The following GTF3C3 variants were observed in gnomAD, a reference collection of about 807,000 sequenced individuals.
GTF3C3 encodes the protein general transcription factor IIIC subunit 3.
In GTF3C3, 75 loss-of-function variants were observed where a neutral mutation model predicts 105.2. The ratio of observed to expected loss-of-function variants is 0.71; its 90% CI spans 0.59 to 0.86. The LOEUF (loss-of-function observed/expected upper bound fraction) is 0.86, where lower values mean the gene tolerates loss of function less well. GTF3C3 is among the 40% of genes least tolerant of loss of function. The pLI is 0.00. For synonymous variants in GTF3C3, 335 were observed against 370.4 expected (o/e 0.90, Z 1.10); for missense variants, 856 against 1,076.5 (o/e 0.80, Z 2.87).
In GTF3C3 at chr2:196,797,908, T is replaced by G; in HGVS notation, c.103A>C (p.Ser35Arg). The change falls in exon 2 of 18, where the codon AGT becomes CGT. Residue 35 changes from serine to arginine, a missense_variant and splice_region_variant. Ser to Arg is a moderately radical substitution (Grantham distance 110, BLOSUM62 -1). Coordinates refer to ENST00000263956, the MANE Select transcript of GTF3C3 (RefSeq NM_012086.5). ...GATAACTTGCCTTTTTCCTGAAGAC[T>G]CTGTGATTGCAAATTAATTAATGAT... ...REERKTREKK[S>R]LQEKGKLSAE... 1 of 1,517,218 alleles carries G rather than the reference T, an allele frequency of 6.6e-7. No individual in the cohort carries two copies. The highest frequency in any genetic ancestry group is 1.1e-5 in the South Asian group (1 of 89,128). The allele number at this position is 1,517,218 out of a possible 1,614,324, so 94.0% of individuals were successfully genotyped here.
chr2:196,771,658 CTGA>C, intron 15 of GTF3C3, 87 bp downstream of exon 15: 1 of 815,466 alleles, frequency 1.2e-6, no homozygotes, highest in Non-Finnish European at 2.0e-6. Context: ...CACAGTGAGG[CTGA>C]TAATTAACCC....
chr2:196,779,042 T>C lies in GTF3C3; in HGVS notation c.1244A>G (p.Gln415Arg). Reference sequence around the variant, plus strand: ...TAGGTCTCCCATATCTTCAGGATTCTGTTCTACTAGTGTTGTCAAGAGAGG... The same window carrying C: ...TAGGTCTCCCATATCTTCAGGATTCCGTTCTACTAGTGTTGTCAAGAGAGG... ...LNPLLTTLVE[Q>R]NPEDMGDLYL... The change falls in exon 10 of 18, where the codon CAG becomes CGG. Residue 415 changes from glutamine to arginine, a missense_variant. Around this residue, in one of 3 missense-constraint regions of GTF3C3, gnomAD observed 605 missense variants for 833.6 expected, o/e 0.73. Coordinates refer to ENST00000263956, the MANE Select transcript of GTF3C3 (RefSeq NM_012086.5). 6.2e-7 allele frequency: 1 copy of C among 1,613,846 alleles called. No individual in the cohort carries two copies. Among genetic ancestry groups the C allele is most frequent in the South Asian group, 1.1e-5 (1 of 91,068 alleles).
chr2:196,784,987 T>C (rs1699431406), intron 7 of GTF3C3, 58 bp from the exon 8 acceptor site: 1 of 1,107,708 alleles, frequency 9.0e-7, no homozygotes, highest in South Asian at 1.3e-5. Context: ...CATTTCATAA[T>C]GCAAAGATTT....
rs1699449817 is a variant in GTF3C3 at position 196,786,128 on chromosome 2, A to C, written c.894-540T>G. ...CTCTAAACTGATGACCAATAGCCTC[A>C]AGCAGGTCCATGGTACTGATGAGCA... On this transcript the variant is annotated intron_variant, in intron 6 of 17. Coordinates refer to ENST00000263956, the MANE Select transcript of GTF3C3 (RefSeq NM_012086.5). The surrounding 1 kb of genome is among the most constrained non-coding windows in gnomAD (Gnocchi z 4.2). Among the ~76,000 whole-genome samples, 1 of 152,136 alleles carries C rather than the reference A, an allele frequency of 6.6e-6. No individual in the cohort carries two copies.
At chr2:196,796,062 AG>A (rs1334923279) in intron 2 of GTF3C3, among the ~76,000 whole-genome samples, 2 of 152,242 alleles carry the variant, frequency 1.3e-5, no homozygotes, top group Non-Finnish European at 2.9e-5. Flanking sequence ...TGGTGTATTT[AG>A]TACTGTCCAG....
chr2:196,763,791 C>A lies in GTF3C3; in HGVS notation c.*772G>T, dbSNP rs1276502206. 6.6e-5 allele frequency: 10 copies of A among 150,894 alleles called. No individual in the cohort carries two copies. Among genetic ancestry groups the A allele is most frequent in the Non-Finnish European group, 1.3e-4 (9 of 67,638 alleles). 9.3% of individuals were successfully genotyped at this position (150,894 alleles called of 1,614,324 possible). On this transcript the variant is annotated 3_prime_UTR_variant, in exon 18 of 18. Transcript: ENST00000263956. ...TAAATAGTGGAGATGAGTAAACAAA[C>A]AAAAAAAAAGTTTTTTACTTTATCA...
At chr2:196,789,734 C>T in intron 5 of GTF3C3, 145 bp downstream of exon 5, 5 of 576,420 alleles carry the variant, frequency 8.7e-6, no homozygotes, top group Non-Finnish European at 1.2e-5. Context: ...AACAGAGGAA[C>T]CCCAAATACT....
intron 6 of GTF3C3, among the ~76,000 whole-genome samples, chr2:196,787,888 C>G (rs1304651749): frequency 6.6e-6 from 1 of 152,088 alleles, no homozygotes; most frequent in Admixed American, 6.6e-5. Context: ...AAAGGGAAAG[C>G]CTAAACAGAA....
chr2:196,785,635 A>G (rs1699442492), intron 6 of GTF3C3, 47 bp from the exon 7 acceptor site: 1 of 1,190,248 alleles, frequency 8.4e-7, no homozygotes, highest in African/African-American at 1.5e-5. Flanking sequence ...AATTCCAATT[A>G]TAAAACTCAT....
chr2:196,773,567 AAGAAGGATGGTTT>A (rs1250473608), intron 13 of GTF3C3: 13 of 337,374 alleles, frequency 3.9e-5, no homozygotes, highest in Middle Eastern at 1.0e-3. Context: ...GGCCAGGGCT[AAGAAGGATGGTTT>A]CAGGATAATT....
chr2:196,768,524 T>G (rs951139286), intron 16 of GTF3C3, among the ~76,000 whole-genome samples: 79 of 152,120 alleles, frequency 5.2e-4, no homozygotes, highest in African/African-American at 1.9e-3. Flanking sequence ...AAAAAAAATT[T>G]TTTTAGGTAG....
In GTF3C3 at chr2:196,776,012, T is replaced by G; in HGVS notation, c.1693A>C (p.Lys565Gln). 1 of 1,502,592 alleles carries G rather than the reference T, an allele frequency of 6.7e-7. No individual in the cohort carries two copies. Among genetic ancestry groups the G allele is most frequent in the Non-Finnish European group, 9.1e-7 (1 of 1,099,360 alleles). 93.1% of individuals were successfully genotyped at this position (1,502,592 alleles called of 1,614,324 possible). Residue 565 changes from lysine to glutamine, a missense_variant and splice_region_variant, in exon 12 of 18, where the codon AAG becomes CAG. Around this residue, in one of 3 missense-constraint regions of GTF3C3, gnomAD observed 605 missense variants for 833.6 expected, o/e 0.73. Transcript: ENST00000263956. This position sits in a 1 kb window ranked among gnomAD's most constrained non-coding sequence, Gnocchi z 4.5. ...TLLTMLAMLL[K>Q]VAMNRAQVCL... ...CATAAAGAAAGATCATTACCCACCTTTAAAAGCATGGCTAACATAGTAAGT... is the reference window on the plus strand; with the variant it reads ...CATAAAGAAAGATCATTACCCACCTGTAAAAGCATGGCTAACATAGTAAGT...
intron 2 of GTF3C3, among the ~76,000 whole-genome samples, chr2:196,794,437 A>G (rs532115405): frequency 6.6e-6 from 1 of 152,254 alleles, no homozygotes; most frequent in Admixed American, 6.5e-5. Context: ...TGTGTTCAAA[A>G]TATATATGTA....
chr2:196,775,441 G>C (rs182711902), intron 12 of GTF3C3, among the ~76,000 whole-genome samples, 190 bp from the exon 13 acceptor site: 131 of 152,214 alleles, frequency 8.6e-4, no homozygotes, highest in African/African-American at 3.1e-3. Flanking sequence ...ATTTTTTAAA[G>C]AAAACCTATG....
chr2:196,769,844 TAAA>T, intron 16 of GTF3C3, 68 bp downstream of exon 16: 1 of 1,340,344 alleles, frequency 7.5e-7, no homozygotes, highest in South Asian at 1.3e-5. Flanking sequence ...GCAGGATTTT[TAAA>T]AAAAGTATTA....
intron 1 of GTF3C3, chr2:196,799,293 T>C (rs1186304735): frequency 1.3e-5 from 7 of 521,770 alleles, no homozygotes; most frequent in East Asian, 3.3e-5. Flanking sequence ...AAAGAAGAGG[T>C]TACCACCAAG....
intron 16 of GTF3C3, among the ~76,000 whole-genome samples, chr2:196,769,019 A>G (rs550451346): frequency 2.0e-5 from 3 of 152,290 alleles, no homozygotes; most frequent in South Asian, 4.1e-4. Context: ...AGTATCCATT[A>G]AGGAAGAAAA....
chr2:196,783,958 T>C (rs1255794642), intron 8 of GTF3C3, among the ~76,000 whole-genome samples: 1 of 152,198 alleles, frequency 6.6e-6, no homozygotes, highest in Non-Finnish European at 1.5e-5. Flanking sequence ...AACATTTATC[T>C]GTCCCACATC....
chr2:196,772,964 G>T lies in GTF3C3; in HGVS notation c.2021C>A (p.Ser674Tyr). 2 of 1,604,020 alleles carry T rather than the reference G, an allele frequency of 1.2e-6. No homozygotes were observed. Among genetic ancestry groups the T allele is most frequent in the South Asian group, 2.3e-5 (2 of 88,578 alleles). Residue 674 changes from serine to tyrosine, a missense_variant, in exon 14 of 18, where the codon TCT becomes TAT. Transcript: ENST00000263956. ...KRKELEYFGL[S>Y]AAILDKNFRK... is the part of the protein sequence containing the mutation. ...GAAATTTTTGTCCAGAATTGCAGCAGACAGACCAAAGTATTCTAGTTCTTT... is the reference window on the plus strand; with the variant it reads ...GAAATTTTTGTCCAGAATTGCAGCATACAGACCAAAGTATTCTAGTTCTTT...
Sources: allele counts gnomAD v4.1 joint callset (sites outside exome capture counted in the v4.1 genomes callset), GRCh38; gene constraint gnomAD v4.1.1; regional missense constraint gnomAD v4.1.1; non-coding constraint Gnocchi (gnomAD v3.1); transcripts MANE v1.5; gene names NCBI Gene and HGNC (gene_info 2026-07-23, HGNC 2026-07-21).